The following CNTN5 variants were observed in gnomAD, a reference collection of about 807,000 sequenced individuals.
CNTN5 encodes the protein contactin 5.
In CNTN5, 77 loss-of-function variants were observed where a neutral mutation model predicts 129.1. The ratio of observed to expected loss-of-function variants is 0.60; its 90% confidence interval spans 0.50 to 0.72. The LOEUF (loss-of-function observed/expected upper bound fraction) is 0.72, where lower values mean the gene tolerates loss of function less well. Ranked by LOEUF, CNTN5 falls within the 30% of genes least tolerant of loss-of-function variation. The probability of loss-of-function intolerance (pLI) is 0.00; values close to 1 mark genes in which losing one functional copy is unlikely to be tolerated. For synonymous variants in CNTN5, 509 were observed against 465.6 expected (o/e 1.09, Z -1.20); for missense variants, 1,478 against 1,328.8 (o/e 1.11, Z -1.75).
chr11:99,327,570 A>G (rs899146631), intron 2 of CNTN5, among the ~76,000 whole-genome samples: 2 of 152,194 alleles, frequency 1.3e-5, no homozygotes, highest in Non-Finnish European at 2.9e-5. Context: ...CTAATTGAAA[A>G]GCATATTGGT....
intron 3 of CNTN5, among the ~76,000 whole-genome samples, chr11:99,802,901 G>C (rs1946157039): frequency 6.6e-6 from 1 of 152,156 alleles, no homozygotes; most frequent in Non-Finnish European, 1.5e-5. Context: ...GCACAGGAAA[G>C]GTGGCATGGC....
At chr11:100,250,354 C>G (rs918786255) in intron 16 of CNTN5, among the ~76,000 whole-genome samples, 2 of 152,100 alleles carry the variant, frequency 1.3e-5, no homozygotes, top group Admixed American at 1.3e-4. Flanking sequence ...TATAACTCCT[C>G]TATCCTTTCT....
At chr11:99,468,390 A>G (rs776329972) in intron 2 of CNTN5, among the ~76,000 whole-genome samples, 15 of 152,184 alleles carry the variant, frequency 9.9e-5, no homozygotes, top group Admixed American at 2.6e-4. Context: ...TATCAGAACC[A>G]AGAACATTGC....
intron 3 of CNTN5, among the ~76,000 whole-genome samples, chr11:99,581,151 T>A (rs879490978): frequency 0.042 from 3,738 of 88,382 alleles, no homozygotes; most frequent in East Asian, 0.059. Context: ...TTTGAGTGAG[T>A]TTCTTAATCC....
At chr11:99,533,893 C>T (rs1161591645) in intron 2 of CNTN5, among the ~76,000 whole-genome samples, 1 of 152,170 alleles carries the variant, frequency 6.6e-6, no homozygotes, top group African/African-American at 2.4e-5. Context: ...TTGCAGGGTC[C>T]ATACTCATAG....
intron 2 of CNTN5, among the ~76,000 whole-genome samples, chr11:99,555,686 G>A (rs1948640529): frequency 6.6e-6 from 1 of 151,858 alleles, no homozygotes; most frequent in Admixed American, 6.6e-5. Context: ...ATTCCCTGTG[G>A]TGGTTTTGAT....
chr11:99,527,613 T>A (rs1947537107), intron 2 of CNTN5, among the ~76,000 whole-genome samples: 2 of 151,850 alleles, frequency 1.3e-5, no homozygotes, highest in South Asian at 4.1e-4. Context: ...GAAAAAAAAA[T>A]AACCTCTCTA....
At chr11:99,184,305 T>C (rs978456194) in intron 1 of CNTN5, among the ~76,000 whole-genome samples, 2 of 152,110 alleles carry the variant, frequency 1.3e-5, no homozygotes, top group African/African-American at 2.4e-5. Context: ...CTACTGACAG[T>C]ACTTGAGTGT....
intron 13 of CNTN5, among the ~76,000 whole-genome samples, chr11:100,151,659 C>G (rs1366807706): frequency 1.3e-5 from 2 of 152,186 alleles, no homozygotes; most frequent in African/African-American, 4.8e-5. Context: ...GTCCTTAAAT[C>G]TATTCCCGCT....
chr11:99,530,057 G>C (rs1483227921), intron 2 of CNTN5, among the ~76,000 whole-genome samples: 1 of 152,062 alleles, frequency 6.6e-6, no homozygotes, highest in Admixed American at 6.6e-5. Flanking sequence ...TTTGGTACTT[G>C]TTAGTCTTTA....
intron 21 of CNTN5, chr11:100,336,803 G>A (rs115644909): frequency 2.7e-5 from 10 of 364,214 alleles, no homozygotes; most frequent in African/African-American, 1.2e-4. Flanking sequence ...GGTGTTCTGC[G>A]ACTTCCCCAG....
chr11:100,157,276 C>T (rs544583679), intron 13 of CNTN5, among the ~76,000 whole-genome samples: 7 of 151,806 alleles, frequency 4.6e-5, no homozygotes, highest in South Asian at 2.1e-4. Context: ...ATATAGATTA[C>T]GTTTTAGAAA....
chr11:99,869,335 A>G, intron 6 of CNTN5, among the ~76,000 whole-genome samples: 1 of 152,060 alleles, frequency 6.6e-6, no homozygotes, highest in South Asian at 2.1e-4. Flanking sequence ...TCAATCCAGA[A>G]CTCATCTCAA....
chr11:99,986,070 C>T (rs1231925088), intron 8 of CNTN5, among the ~76,000 whole-genome samples: 1 of 152,168 alleles, frequency 6.6e-6, no homozygotes, highest in East Asian at 1.9e-4. Context: ...TCCACTTAAA[C>T]AATCATTTGG....
At chr11:99,711,325 T>G (rs942181251) in intron 3 of CNTN5, among the ~76,000 whole-genome samples, 1 of 151,946 alleles carries the variant, frequency 6.6e-6, no homozygotes, top group African/African-American at 2.4e-5. Flanking sequence ...GTGATGTTTT[T>G]GGTGATTGTA....
intron 4 of CNTN5, among the ~76,000 whole-genome samples, chr11:99,828,595 C>A (rs140856899): frequency 6.6e-6 from 1 of 152,086 alleles, no homozygotes; most frequent in African/African-American, 2.4e-5. Flanking sequence ...AGCCGATACC[C>A]TATGCTATTT....
intron 3 of CNTN5, among the ~76,000 whole-genome samples, chr11:99,790,026 GT>G (rs1170863598): frequency 6.6e-6 from 1 of 151,982 alleles, no homozygotes; most frequent in African/African-American, 2.4e-5. Flanking sequence ...AGAAAATGCA[GT>G]TTTTGGTTTT....
intron 1 of CNTN5, among the ~76,000 whole-genome samples, chr11:99,167,587 A>T (rs546957246): frequency 1.3e-5 from 2 of 152,284 alleles, no homozygotes; most frequent in African/African-American, 4.8e-5. Context: ...ATCTCATATG[A>T]GGCAAAACCA....
chr11:99,276,659 T>C (rs1293779831), intron 1 of CNTN5, among the ~76,000 whole-genome samples: 2 of 151,526 alleles, frequency 1.3e-5, no homozygotes, highest in Non-Finnish European at 3.0e-5. Flanking sequence ...AGTGTACCAA[T>C]AGAAACAGGA....
Sources: allele counts gnomAD v4.1 joint callset (sites outside exome capture counted in the v4.1 genomes callset), GRCh38; gene constraint gnomAD v4.1.1; transcripts MANE v1.5; gene names NCBI Gene and HGNC (gene_info 2026-07-23, HGNC 2026-07-21).